The following LRIG3 variants were observed in gnomAD, a reference collection of about 807,000 sequenced individuals.
The protein encoded by LRIG3 is leucine-rich repeats and immunoglobulin-like domains protein 3.
In LRIG3, 76 loss-of-function variants were observed where a neutral mutation model predicts 114.5. The observed-to-expected ratio is 0.66, with a 90% confidence interval of 0.55 to 0.80. LRIG3 has a LOEUF of 0.80. Among genes scored for constraint, LRIG3 ranks in the 30% least tolerant of loss-of-function variants. The pLI is 0.00. For synonymous variants in LRIG3, 512 were observed against 519.8 expected (o/e 0.98, Z 0.20); for missense variants, 1,239 against 1,382.8 (o/e 0.90, Z 1.65).
chr12:58,905,112 G>T (rs1872011081), intron 3 of LRIG3, among the ~76,000 whole-genome samples: 1 of 152,108 alleles, frequency 6.6e-6, no homozygotes, highest in African/African-American at 2.4e-5. Context: ...CTGCTCAATG[G>T]GCCAACAGGA....
Position 58,874,526 on chromosome 12 carries a change from T to C in LRIG3, c.2743A>G (p.Thr915Ala), listed in dbSNP as rs989427438. 1.2e-6 allele frequency: 2 copies of C among 1,614,208 alleles called. No individual in the cohort carries two copies. The highest frequency in any genetic ancestry group is 1.1e-5 in the South Asian group (1 of 91,086). ...AAAAACGGACAAAGGAACAGATCTG[T>C]GGCAGCTTCCACATCAGCTTCACTG... The part of the protein sequence containing the change: ...NSSEADVEAA[T>A]DLFLCPFLGS... The change falls in exon 17 of 19, where the codon ACA becomes GCA. Residue 915 changes from threonine to alanine, a missense_variant. Physicochemically the swap from Thr to Ala is moderately conservative, Grantham distance 58. Transcript: ENST00000320743.
chr12:58,898,033 G>A (rs1002195102), intron 3 of LRIG3, among the ~76,000 whole-genome samples: 14 of 152,204 alleles, frequency 9.2e-5, no homozygotes, highest in African/African-American at 3.4e-4. Context: ...ACACTCAAGA[G>A]CAGCTGTAGA....
intron 8 of LRIG3, 81 bp downstream of exon 8, chr12:58,887,708 A>G: frequency 1.4e-6 from 2 of 1,471,988 alleles, no homozygotes. Flanking sequence ...CCTTGACAAC[A>G]AAGGAAATCT....
intron 3 of LRIG3, among the ~76,000 whole-genome samples, chr12:58,899,821 A>C (rs181470960): frequency 6.6e-6 from 1 of 152,266 alleles, no homozygotes; most frequent in Non-Finnish European, 1.5e-5. Flanking sequence ...GCACAGGTGA[A>C]GGAGGGACCT....
At position 58,885,773 on chromosome 12, in the gene LRIG3, A is replaced by G. The variant is rs940450410; in HGVS notation, c.1244+58T>C. 13 of 1,229,578 alleles carry G rather than the reference A, an allele frequency of 1.1e-5. No homozygotes were observed. In the African/African-American group the frequency reaches 1.4e-4, roughly 13 times the overall value. 76.2% of individuals were successfully genotyped at this position (1,229,578 alleles called of 1,614,324 possible). The stretch of plus-strand genomic sequence containing the variant: ...CAGTTTGTTTTATCTTTCATGACAC[A>G]TAAGTAAAAACCATCTTAGAGATTC... On this transcript the variant is annotated intron_variant, in intron 10 of 18. Transcript: ENST00000320743.
At chr12:58,880,314 GA>G (rs1871081151) in intron 13 of LRIG3, 1 of 512,926 alleles carries the variant, frequency 1.9e-6, no homozygotes, top group Non-Finnish European at 3.5e-6. Flanking sequence ...AAAAAAAAAA[GA>G]AAAAGAAAAA....
intron 3 of LRIG3, among the ~76,000 whole-genome samples, chr12:58,892,902 T>C (rs1871504058): frequency 6.6e-6 from 1 of 152,228 alleles, no homozygotes; most frequent in South Asian, 2.1e-4. Flanking sequence ...TATTCTGGCA[T>C]TTAATTTCTT....
intron 18 of LRIG3, chr12:58,873,715 T>C: frequency 2.9e-6 from 1 of 346,170 alleles, no homozygotes; most frequent in Non-Finnish European, 5.4e-6. Context: ...AGCACACAAC[T>C]CCACCCCAAA....
chr12:58,912,665 C>T (rs1169181352), intron 3 of LRIG3, among the ~76,000 whole-genome samples: 1 of 152,174 alleles, frequency 6.6e-6, no homozygotes, highest in Non-Finnish European at 1.5e-5. Context: ...TGCCATGACC[C>T]TCAAGCTCTC....
chr12:58,914,259 ACT>A lies in LRIG3; in HGVS notation c.308+4_308+5del. 1 of 1,613,376 alleles carries A rather than the reference ACT, an allele frequency of 6.2e-7. No homozygotes were observed. The highest frequency in any genetic ancestry group is 8.5e-7 in the Non-Finnish European group (1 of 1,179,424). On this transcript the variant is annotated splice_donor_5th_base_variant and intron_variant, in intron 2 of 18. Coordinates refer to ENST00000320743, the MANE Select transcript of LRIG3 (RefSeq NM_153377.5). Reference sequence around the variant, plus strand: ...AAACCTTAAAAACAAAATAACGAAGACTCACACTTCTCGAAGGCTTTGAAGGT... The same window carrying A: ...AAACCTTAAAAACAAAATAACGAAGACACACTTCTCGAAGGCTTTGAAGGT...
chr12:58,897,825 T>G (rs2120936828), intron 3 of LRIG3, among the ~76,000 whole-genome samples: 1 of 152,296 alleles, frequency 6.6e-6, no homozygotes, highest in South Asian at 2.1e-4. Context: ...ACTTAAAAAT[T>G]TTTACTGTTT....
At chr12:58,883,113 C>G in intron 11 of LRIG3, 81 bp from the exon 12 acceptor site, 1 of 1,386,668 alleles carries the variant, frequency 7.2e-7, no homozygotes, top group Non-Finnish European at 9.7e-7. Context: ...TAAATATTAA[C>G]AAAGCAATGA....
Position 58,874,240 on chromosome 12 carries a change from G to A in LRIG3, c.2930C>T (p.Ser977Leu). Residue 977 changes from serine (S) to leucine (L), a missense_variant, in exon 18 of 19, where the codon TCA becomes TTA. Coordinates refer to ENST00000320743, the MANE Select transcript of LRIG3 (RefSeq NM_153377.5). ...GAAGCTCCGTTCGCAGGATTCTTCT[G>A]AAGGATGAGAACATGGGTAGCACTC... ...KKECYPCSHP[S>L]EESCERSFSN... The A allele has an allele frequency of 6.2e-7, 1 of 1,614,198 alleles. No individual in the cohort carries two copies. Among genetic ancestry groups the A allele is most frequent in the Non-Finnish European group, 8.5e-7 (1 of 1,180,040 alleles).
chr12:58,908,775 T>C (rs1236252621), intron 3 of LRIG3, among the ~76,000 whole-genome samples: 1 of 152,236 alleles, frequency 6.6e-6, no homozygotes, highest in Admixed American at 6.5e-5. Context: ...AGCATGTGGT[T>C]ATTCCATGAA....
chr12:58,914,178 C>G (rs1592312710), intron 2 of LRIG3, 87 bp downstream of exon 2: 2 of 1,511,136 alleles, frequency 1.3e-6, no homozygotes, highest in African/African-American at 1.4e-5. Flanking sequence ...GAATAACTCA[C>G]TATAATCCAA....
rs1251904561 is a variant in LRIG3, at chr12:58,890,612, T to C, written c.515+53A>G. 5 of 1,471,034 alleles carry C rather than the reference T, an allele frequency of 3.4e-6. No homozygotes were observed. In the East Asian group the frequency reaches 7.3e-5, roughly 21 times the overall value. 91.1% of individuals were successfully genotyped at this position (1,471,034 alleles called of 1,614,324 possible). On this transcript the variant is annotated intron_variant, in intron 4 of 18. Transcript: ENST00000320743. ...AAGTTTGTTATATCTTATTTTTTCA[T>C]TGTAATATTTTCATTACAGGTGAAA...
At chr12:58,890,857 A>G (rs1871434411) in intron 3 of LRIG3, 61 bp from the exon 4 acceptor site, 1 of 1,511,856 alleles carries the variant, frequency 6.6e-7, no homozygotes, top group South Asian at 1.3e-5. Flanking sequence ...AAAGAAGAAA[A>G]ATATTTTCTA....
At chr12:58,906,536 G>GA (rs1872072484) in intron 3 of LRIG3, among the ~76,000 whole-genome samples, 1 of 152,116 alleles carries the variant, frequency 6.6e-6, no homozygotes, top group Admixed American at 6.6e-5. Context: ...AATGTAATGA[G>GA]AAATGCACGC....
At chr12:58,879,657 A>C (rs1339453802) in intron 13 of LRIG3, among the ~76,000 whole-genome samples, 1 of 152,256 alleles carries the variant, frequency 6.6e-6, no homozygotes, top group Non-Finnish European at 1.5e-5. Context: ...ATAAAGTGGC[A>C]AGGATCCTAC....
Sources: gnomAD v4.1 joint callset for allele counts (sites outside exome capture counted in the v4.1 genomes callset) on GRCh38, gnomAD v4.1.1 for gene constraint, MANE v1.5 for transcripts, NCBI Gene and HGNC (gene_info 2026-07-23, HGNC 2026-07-21) for gene names.